The following SLC24A2 variants were observed in gnomAD, a reference collection of about 807,000 sequenced individuals.
SLC24A2 encodes the protein solute carrier family 24 member 2.
SLC24A2 carries 36 observed loss-of-function variants against 62.0 expected under a neutral mutation model. That is an observed-to-expected ratio of 0.58 (90% CI 0.44 to 0.77). The LOEUF (loss-of-function observed/expected upper bound fraction) is 0.77, where lower values mean the gene tolerates loss of function less well. Ranked by LOEUF, SLC24A2 falls within the 30% of genes least tolerant of loss-of-function variation. SLC24A2 has a pLI of 0.00. For missense variants in SLC24A2, 846 were observed against 817.9 expected, an observed-to-expected ratio of 1.03 and a Z score of -0.42; for synonymous variants, 358 against 294.0, an observed-to-expected ratio of 1.22 and a Z score of -2.23.
At chr9:20,278,831 T>C in the SLC24A2 span, among the ~76,000 whole-genome samples, 1 of 152,196 alleles carries the variant, frequency 6.6e-6, no homozygotes, top group African/African-American at 2.4e-5. Context: ...TACCCAACTC[T>C]ACTAGCACCA....
chr9:19,986,588 C>T, the SLC24A2 span, among the ~76,000 whole-genome samples: 1 of 150,590 alleles, frequency 6.6e-6, no homozygotes, highest in Non-Finnish European at 1.5e-5. Flanking sequence ...TATATATATC[C>T]AATGTAATAT....
the SLC24A2 span, among the ~76,000 whole-genome samples, chr9:20,179,480 C>G: frequency 3.3e-5 from 5 of 152,116 alleles, no homozygotes; most frequent in African/African-American, 1.2e-4. Context: ...TGGTCCATGC[C>G]CAAGGGCCAG....
the SLC24A2 span, among the ~76,000 whole-genome samples, chr9:20,181,629 T>C: frequency 6.6e-6 from 1 of 152,136 alleles, no homozygotes; most frequent in Non-Finnish European, 1.5e-5. Flanking sequence ...TATACAAAAA[T>C]TGACTCAAGA....
intron 4 of SLC24A2, among the ~76,000 whole-genome samples, chr9:19,614,851 T>A (rs1272436687): frequency 6.6e-6 from 1 of 152,082 alleles, no homozygotes; most frequent in Non-Finnish European, 1.5e-5. Context: ...TGAGGTCCTT[T>A]CAGACCTTCT....
At chr9:20,123,807 A>G in the SLC24A2 span, among the ~76,000 whole-genome samples, 1 of 152,336 alleles carries the variant, frequency 6.6e-6, no homozygotes, top group African/African-American at 2.4e-5. Flanking sequence ...CTCTTGTTTT[A>G]GATAATTCCT....
At chr9:19,829,853 T>TTTTTAAAC in the SLC24A2 span, among the ~76,000 whole-genome samples, 3 of 147,298 alleles carry the variant, frequency 2.0e-5, no homozygotes, top group African/African-American at 7.4e-5. Flanking sequence ...ATATAGAACT[T>TTTTTAAAC]TTTTAAACTT....
the SLC24A2 span, among the ~76,000 whole-genome samples, chr9:19,838,342 G>T: frequency 1.3e-5 from 2 of 152,066 alleles, no homozygotes; most frequent in Admixed American, 1.3e-4. Flanking sequence ...TTAATAAATG[G>T]TGCTGGGAAA....
chr9:19,974,486 C>G, the SLC24A2 span, among the ~76,000 whole-genome samples: 4 of 152,120 alleles, frequency 2.6e-5, no homozygotes, highest in South Asian at 6.2e-4. Flanking sequence ...CCTGCTTTTG[C>G]CTTTAACCAT....
At chr9:20,203,693 A>AG in the SLC24A2 span, among the ~76,000 whole-genome samples, 1 of 152,108 alleles carries the variant, frequency 6.6e-6, no homozygotes, top group African/African-American at 2.4e-5. Context: ...AGAAAAAAAA[A>AG]AAGAAGAAGA....
the SLC24A2 span, among the ~76,000 whole-genome samples, chr9:19,964,228 G>A: frequency 9.1e-6 from 1 of 110,302 alleles, no homozygotes; most frequent in African/African-American, 3.5e-5. Context: ...GTGGGGTGGG[G>A]GGAGGGGGGA....
At chr9:20,101,004 A>AC in the SLC24A2 span, among the ~76,000 whole-genome samples, 1 of 152,188 alleles carries the variant, frequency 6.6e-6, no homozygotes, top group Admixed American at 6.5e-5. Flanking sequence ...CTTCCTTGAA[A>AC]CTATGGTCTC....
At chr9:20,056,716 C>T in the SLC24A2 span, among the ~76,000 whole-genome samples, 1 of 152,156 alleles carries the variant, frequency 6.6e-6, no homozygotes, top group Admixed American at 6.5e-5. Context: ...GCCACTTCAA[C>T]CCCCTTTTGG....
chr9:19,945,329 GGA>G, the SLC24A2 span, among the ~76,000 whole-genome samples: 7 of 152,044 alleles, frequency 4.6e-5, no homozygotes, highest in African/African-American at 9.7e-5. Flanking sequence ...GGGAGGGAGG[GGA>G]GAGAGAGAAC....
Position 19,786,145 on chromosome 9 carries a change from T to A in SLC24A2, c.722A>T (p.Asp241Val), listed in dbSNP as rs1421479816. 6.2e-7 allele frequency: 1 copy of A among 1,613,984 alleles called. No individual in the cohort carries two copies. The highest frequency in any genetic ancestry group is 8.5e-7 in the Non-Finnish European group (1 of 1,180,028). The stretch of plus-strand genomic sequence containing the variant: ...CAAGTCAACAATGTAGAAAGACACA[T>A]CTCGAAAGAGCGGCCACCATGTCAG... ...LNLTWWPLFRDVSFYIVDLIM... is the reference protein window; with the variant it reads ...LNLTWWPLFRVVSFYIVDLIM... Residue 241 changes from aspartate (D) to valine (V), a missense_variant, in exon 2 of 11, where the codon GAT becomes GTT. Coordinates refer to ENST00000341998, the MANE Select transcript of SLC24A2 (RefSeq NM_020344.4). This position sits in a 1 kb window ranked among gnomAD's most constrained non-coding sequence, Gnocchi z 5.0.
At chr9:19,521,315 G>A (rs750834279) in intron 9 of SLC24A2, among the ~76,000 whole-genome samples, 1 of 152,228 alleles carries the variant, frequency 6.6e-6, no homozygotes, top group Non-Finnish European at 1.5e-5. Context: ...GAGGGCTAGA[G>A]TGTAGCCTTT....
At chr9:20,209,247 T>G in the SLC24A2 span, among the ~76,000 whole-genome samples, 1 of 152,232 alleles carries the variant, frequency 6.6e-6, no homozygotes, top group African/African-American at 2.4e-5. Context: ...TATTCCCATA[T>G]GTAACTACTT....
the SLC24A2 span, among the ~76,000 whole-genome samples, chr9:19,864,874 A>C: frequency 5.9e-5 from 9 of 152,108 alleles, no homozygotes; most frequent in Non-Finnish European, 1.0e-4. Flanking sequence ...AGGATATCCA[A>C]ATTGGAAAGG....
the SLC24A2 span, among the ~76,000 whole-genome samples, chr9:19,887,071 G>C: frequency 2.0e-5 from 3 of 152,144 alleles, no homozygotes; most frequent in Non-Finnish European, 4.4e-5. Context: ...GGAAGGGAGA[G>C]AATCAGGAAA....
the SLC24A2 span, among the ~76,000 whole-genome samples, chr9:20,115,852 T>C: frequency 1.3e-5 from 2 of 152,180 alleles, no homozygotes; most frequent in African/African-American, 4.8e-5. Context: ...ATGGTTTCAA[T>C]TTGAGACAAT....
Sources: allele counts gnomAD v4.1 joint callset (sites outside exome capture counted in the v4.1 genomes callset), GRCh38; gene constraint gnomAD v4.1.1; non-coding constraint Gnocchi (gnomAD v3.1); transcripts MANE v1.5; gene names NCBI Gene and HGNC (gene_info 2026-07-23, HGNC 2026-07-21).